Variants in RAB37 observed in about 807,000 individuals in gnomAD.
RAB37 encodes the protein RAB37, member RAS oncogene family, also known as ras-related protein Rab-37.
In RAB37, 29 loss-of-function variants were observed where a neutral mutation model predicts 33.1. The observed-to-expected ratio is 0.88, with a 90% CI of 0.65 to 1.20. The LOEUF (loss-of-function observed/expected upper bound fraction) is 1.20. Ranked by LOEUF, RAB37 falls within the 50% of genes most tolerant of loss-of-function variation. RAB37 has a pLI of 0.00. For missense variants in RAB37, 299 were observed against 301.1 expected (o/e 0.99, Z 0.05); for synonymous variants, 128 against 119.5 (o/e 1.07, Z -0.47).
In RAB37 at chr17:74,742,296, G is replaced by A. The variant is rs1365637090; in HGVS notation, c.246+1G>A. On this transcript the variant is annotated splice_donor_variant, in intron 3 of 8. Coordinates refer to ENST00000392613, the MANE Select transcript of RAB37 (RefSeq NM_001006638.3). LOFTEE classifies it high-confidence loss of function. The surrounding 1 kb of genome is among the most constrained non-coding windows in gnomAD (Gnocchi z 4.0). ...GGATGGCGTGAGAGTGAAGCTGCAG[G>A]TGAGACCAGAGGCTGGAGTTGGGGA... is the stretch of plus-strand genomic sequence containing the variant. The A allele has an allele frequency of 1.2e-6, 2 of 1,612,470 alleles. No individual in the cohort carries two copies. The highest frequency in any genetic ancestry group is 1.7e-6 in the Non-Finnish European group (2 of 1,178,974).
intron 1 of RAB37, among the ~76,000 whole-genome samples, chr17:74,697,562 G>T (rs944996694): frequency 1.3e-5 from 2 of 152,236 alleles, no homozygotes; most frequent in Non-Finnish European, 2.9e-5. Flanking sequence ...AGGCTGTGGG[G>T]AGGGAGAAGT....
chr17:74,708,788 C>T (rs544399671), intron 1 of RAB37, among the ~76,000 whole-genome samples: 24 of 151,908 alleles, frequency 1.6e-4, no homozygotes, highest in Admixed American at 7.9e-4. Flanking sequence ...TGGTGGCGGG[C>T]GCCTGTAGTC....
intron 3 of RAB37, 63 bp from the exon 4 acceptor site, chr17:74,743,066 C>T (rs2034660355): frequency 2.0e-6 from 3 of 1,469,148 alleles, no homozygotes; most frequent in South Asian, 1.2e-5. Context: ...CAGGCCTGCT[C>T]CACCCAGCAC....
intron 1 of RAB37, among the ~76,000 whole-genome samples, chr17:74,717,808 T>TG (rs1555591333): frequency 2.2e-5 from 2 of 92,076 alleles, no homozygotes; most frequent in East Asian, 5.8e-4. Flanking sequence ...AAACTCCATC[T>TG]AAAAAAAAAA....
At position 74,671,797 on chromosome 17, in the gene RAB37, G is replaced by A; in HGVS notation, c.72+139G>A. 1 of 738,776 alleles carries A rather than the reference G, an allele frequency of 1.4e-6. No individual in the cohort carries two copies. Among genetic ancestry groups the A allele is most frequent in the Non-Finnish European group, 2.3e-6 (1 of 436,920 alleles). The allele number at this position is 738,776 out of a possible 1,614,324, so 45.8% of individuals were successfully genotyped here. On this transcript the variant is annotated intron_variant, in intron 1 of 7. Transcript: ENST00000340415. This position sits in a 1 kb window ranked among gnomAD's most constrained non-coding sequence, Gnocchi z 5.0. ...TGAGTCTGGGGAGCCCTTTCTGTCT[G>A]ATCCTGTTTCCTGCTCAAAACAGAG...
At chr17:74,684,042 A>G (rs1034848827) in intron 1 of RAB37, among the ~76,000 whole-genome samples, 1 of 152,176 alleles carries the variant, frequency 6.6e-6, no homozygotes, top group Non-Finnish European at 1.5e-5. Flanking sequence ...TGAAAAAACA[A>G]TAAGTTCATA....
At position 74,745,461 on chromosome 17, in the gene RAB37, C is replaced by A. The variant is rs1306791844; in HGVS notation, c.*50C>A. The A allele has an allele frequency of 6.8e-7, 1 of 1,468,966 alleles. No individual in the cohort carries two copies. Among genetic ancestry groups the A allele is most frequent in the Non-Finnish European group, 9.5e-7 (1 of 1,049,174 alleles). 91.0% of individuals were successfully genotyped at this position (1,468,966 alleles called of 1,614,324 possible). ...CTGGAGGCACACAGGATGCAGCCTT[C>A]CCCCTCCCAGGCCTGGCTTATTCCA... On this transcript the variant is annotated 3_prime_UTR_variant, in exon 9 of 9. Transcript: ENST00000392613. The surrounding 1 kb of genome is among the most constrained non-coding windows in gnomAD (Gnocchi z 4.5).
At chr17:74,686,317 T>C (rs2032053946) in intron 1 of RAB37, among the ~76,000 whole-genome samples, 1 of 152,014 alleles carries the variant, frequency 6.6e-6, no homozygotes, top group Admixed American at 6.6e-5. Context: ...GGTGTCAAAC[T>C]CCTGAGCTCA....
At chr17:74,703,774 T>C (rs1428682440) in intron 1 of RAB37, among the ~76,000 whole-genome samples, 1 of 152,154 alleles carries the variant, frequency 6.6e-6, no homozygotes, top group Non-Finnish European at 1.5e-5. Context: ...CCTCGAGCCA[T>C]CCTGCTTATC....
intron 1 of RAB37, among the ~76,000 whole-genome samples, chr17:74,728,924 T>C (rs554238125): frequency 1.3e-5 from 2 of 152,168 alleles, no homozygotes; most frequent in African/African-American, 2.4e-5. Flanking sequence ...GTCTTGTGCA[T>C]GTATGTTTCT....
chr17:74,721,426 T>C (rs2034238316), intron 1 of RAB37, among the ~76,000 whole-genome samples: 1 of 151,888 alleles, frequency 6.6e-6, no homozygotes, highest in South Asian at 2.1e-4. Flanking sequence ...ACACATATCT[T>C]GGTTTACTTT....
intron 1 of RAB37, among the ~76,000 whole-genome samples, chr17:74,679,581 C>T (rs1015415385): frequency 3.9e-5 from 6 of 152,140 alleles, no homozygotes; most frequent in Non-Finnish European, 7.3e-5. Context: ...TTACAGTTTG[C>T]GAAACACTTT....
At chr17:74,683,149 A>G (rs956200018) in intron 1 of RAB37, among the ~76,000 whole-genome samples, 1 of 152,250 alleles carries the variant, frequency 6.6e-6, no homozygotes, top group East Asian at 1.9e-4. Context: ...GATTTGGGTT[A>G]TTAATGACTG....
intron 1 of RAB37, among the ~76,000 whole-genome samples, chr17:74,710,468 G>C (rs2033863574): frequency 6.6e-6 from 1 of 152,136 alleles, no homozygotes; most frequent in African/African-American, 2.4e-5. Context: ...TAAATAGTTG[G>C]AAAGTAAAGT....
chr17:74,706,437 A>G (rs1434502925), intron 1 of RAB37, among the ~76,000 whole-genome samples: 4 of 151,640 alleles, frequency 2.6e-5, no homozygotes, highest in Admixed American at 2.0e-4. Flanking sequence ...ACATATATAT[A>G]TAAATTCCCA....
intron 1 of RAB37, among the ~76,000 whole-genome samples, chr17:74,728,270 A>G (rs1286494498): frequency 6.6e-6 from 1 of 151,152 alleles, no homozygotes; most frequent in Non-Finnish European, 1.5e-5. Flanking sequence ...ATGTGTTTCC[A>G]CATGTCTGTG....
upstream of RAB37, among the ~76,000 whole-genome samples, chr17:74,736,327 G>C (rs1198647471): frequency 6.6e-6 from 1 of 152,142 alleles, no homozygotes; most frequent in Admixed American, 6.5e-5. Context: ...GCTGCTTATA[G>C]AATGTGGAGA....
At chr17:74,682,682 ATC>A (rs2031978620) in intron 1 of RAB37, among the ~76,000 whole-genome samples, 2 of 152,204 alleles carry the variant, frequency 1.3e-5, no homozygotes, top group Non-Finnish European at 2.9e-5. Context: ...AGGCGGGTGG[ATC>A]ACCCGAGGTC....
upstream of RAB37, chr17:74,736,664 T>C (rs2034479468): frequency 6.5e-7 from 1 of 1,535,476 alleles, no homozygotes. Flanking sequence ...AGGTGATCCA[T>C]ACTAAAGGGT....
Sources: gnomAD v4.1 joint callset for allele counts (sites outside exome capture counted in the v4.1 genomes callset) on GRCh38, gnomAD v4.1.1 for gene constraint, Gnocchi (gnomAD v3.1) non-coding constraint, MANE v1.5 for transcripts, NCBI Gene and HGNC (gene_info 2026-07-23, HGNC 2026-07-21) for gene names.